The following CD86 variants were observed in gnomAD, a reference collection of about 807,000 sequenced individuals.
The protein encoded by CD86 is CD86 molecule, also known as T-lymphocyte activation antigen CD86.
CD86 carries 11 observed loss-of-function variants against 32.1 expected under a neutral mutation model. The observed-to-expected ratio is 0.34, with a 90% confidence interval of 0.22 to 0.57. The LOEUF is 0.57. CD86 is among the 20% of genes least tolerant of loss of function. The pLI is 0.86. For synonymous variants in CD86, 137 were observed against 135.3 expected, an observed-to-expected ratio of 1.01 and a Z score of -0.09; for missense variants, 359 against 398.4, an observed-to-expected ratio of 0.90 and a Z score of 0.84.
rs2073320721 is a variant in CD86, at chr3:122,120,139, C to G, written c.*605C>G. On this transcript the variant is annotated 3_prime_UTR_variant, in exon 7 of 7. Coordinates refer to ENST00000330540, the MANE Select transcript of CD86 (RefSeq NM_175862.5). Reference sequence around the variant, plus strand: ...TCAGGGTCAGTAAGGAAAACGGTGGCCTAGGGTACAGGCAACAATGAGCAG... The same window carrying G: ...TCAGGGTCAGTAAGGAAAACGGTGGGCTAGGGTACAGGCAACAATGAGCAG... 1 of 152,380 alleles carries G rather than the reference C, an allele frequency of 6.6e-6. No homozygotes were observed. Among genetic ancestry groups the G allele is most frequent in the East Asian group, 1.9e-4 (1 of 5,206 alleles). The allele number at this position is 152,380 out of a possible 1,614,324, so 9.4% of individuals were successfully genotyped here.
chr3:122,078,140 C>A, intron 1 of CD86: 2 of 736,008 alleles, frequency 2.7e-6, no homozygotes, highest in Non-Finnish European at 3.3e-6. Flanking sequence ...AATGGCCGGC[C>A]AGAGAATGAG....
At chr3:122,081,299 G>T (rs1347320976) in intron 1 of CD86, among the ~76,000 whole-genome samples, 1 of 152,128 alleles carries the variant, frequency 6.6e-6, no homozygotes, top group Non-Finnish European at 1.5e-5. Flanking sequence ...TTATTTGATT[G>T]TGTCTCAGAA....
intron 1 of CD86, among the ~76,000 whole-genome samples, chr3:122,055,896 A>C (rs2072226573): frequency 6.6e-6 from 1 of 152,154 alleles, no homozygotes; most frequent in East Asian, 1.9e-4. Flanking sequence ...GAGAAGGTAG[A>C]GGGAGAGAGA....
intron 2 of CD86, among the ~76,000 whole-genome samples, chr3:122,101,516 ATAT>A (rs2073008430): frequency 1.9e-4 from 5 of 26,762 alleles, no homozygotes; most frequent in African/African-American, 4.1e-4. Flanking sequence ...AAAAAAAAAT[ATAT>A]ATATATATAT....
At chr3:122,064,794 T>C (rs1239349108) in intron 1 of CD86, among the ~76,000 whole-genome samples, 1 of 152,150 alleles carries the variant, frequency 6.6e-6, no homozygotes, top group Non-Finnish European at 1.5e-5. Flanking sequence ...AAATTGTAAA[T>C]GGAATATTTT....
At chr3:122,059,413 G>A (rs1186162202) in intron 1 of CD86, among the ~76,000 whole-genome samples, 2 of 152,174 alleles carry the variant, frequency 1.3e-5, no homozygotes, top group South Asian at 2.1e-4. Context: ...AAGTGGGCCT[G>A]TAGTCCCAGC....
At chr3:122,073,981 A>G (rs1040439100) in intron 1 of CD86, among the ~76,000 whole-genome samples, 2 of 152,190 alleles carry the variant, frequency 1.3e-5, no homozygotes, top group Non-Finnish European at 2.9e-5. Flanking sequence ...CCCAGTCAGA[A>G]TTCAAGAAGT....
At chr3:122,091,781 C>CA in intron 2 of CD86, 131 bp downstream of exon 2, 2 of 710,218 alleles carry the variant, frequency 2.8e-6, no homozygotes, top group Middle Eastern at 2.5e-4. Flanking sequence ...AGACCACATG[C>CA]AAAAAAGACT....
intron 1 of CD86, among the ~76,000 whole-genome samples, chr3:122,081,331 A>T (rs1359689556): frequency 6.6e-6 from 1 of 152,262 alleles, no homozygotes; most frequent in Non-Finnish European, 1.5e-5. Flanking sequence ...AATATATACC[A>T]ATGAAAAGCA....
intron 4 of CD86, among the ~76,000 whole-genome samples, chr3:122,107,257 G>T (rs2073106693): frequency 6.6e-6 from 1 of 152,140 alleles, no homozygotes; most frequent in Admixed American, 6.5e-5. Context: ...CTGGATGACA[G>T]GTTCCCAAAA....
At chr3:122,078,990 A>G (rs560827767) in intron 1 of CD86, among the ~76,000 whole-genome samples, 1 of 152,234 alleles carries the variant, frequency 6.6e-6, no homozygotes, top group Non-Finnish European at 1.5e-5. Context: ...GGAAGCTTTT[A>G]TAAATCTCTA....
intron 2 of CD86, among the ~76,000 whole-genome samples, chr3:122,098,270 A>C (rs2072940415): frequency 1.3e-5 from 2 of 152,234 alleles, no homozygotes. Context: ...ATGGTTAGAG[A>C]AATCTCCCTG....
intron 2 of CD86, among the ~76,000 whole-genome samples, chr3:122,099,023 T>C (rs759756343): frequency 6.6e-6 from 1 of 152,176 alleles, no homozygotes; most frequent in Non-Finnish European, 1.5e-5. Flanking sequence ...AGTTATAGGC[T>C]GGCAATAAGC....
In CD86 at chr3:122,102,846, T is replaced by A. The variant is rs558844071; in HGVS notation, c.65-666T>A. On this transcript the variant is annotated intron_variant, in intron 2 of 6. Transcript: ENST00000330540. ...TAAAGGCCTTGGTTCACTATCGAAG[T>A]CATTTCTAAAGCATTTGACATCCTT... is the stretch of plus-strand genomic sequence containing the variant. Among the ~76,000 whole-genome samples the A allele has an allele frequency of 6.6e-5, 10 of 152,270 alleles. No homozygotes were observed. In the East Asian group the frequency reaches 1.5e-3, roughly 24 times the overall value.
intron 2 of CD86, among the ~76,000 whole-genome samples, chr3:122,096,200 G>A (rs1174179772): frequency 6.6e-6 from 1 of 152,126 alleles, no homozygotes; most frequent in Non-Finnish European, 1.5e-5. Flanking sequence ...TGAATAGCTG[G>A]CACTATAAGT....
In CD86 at chr3:122,118,088, G is replaced by A; in HGVS notation, c.888G>A (p.Lys296=). 1 of 1,607,460 alleles carries A rather than the reference G, an allele frequency of 6.2e-7. No individual in the cohort carries two copies. The highest frequency in any genetic ancestry group is 8.5e-7 in the Non-Finnish European group (1 of 1,177,928). The change falls in exon 6 of 7, where the codon AAG becomes AAA. Residue 296 remains lysine (K), a synonymous_variant. Coordinates refer to ENST00000330540, the MANE Select transcript of CD86 (RefSeq NM_175862.5). ...TMEREESEQT[K]KREKIHIPER... ...AGAGGGAAGAGAGTGAACAGACCAA[G>A]AAAAGGTAAATCCTGACCCTGAGAC...
chr3:122,101,120 G>A (rs1041395871), intron 2 of CD86, among the ~76,000 whole-genome samples: 1 of 152,128 alleles, frequency 6.6e-6, no homozygotes, highest in Non-Finnish European at 1.5e-5. Flanking sequence ...ACCCCATGGG[G>A]AGGAGAGGGA....
At chr3:122,113,063 T>C (rs2073199576) in intron 5 of CD86, among the ~76,000 whole-genome samples, 1 of 152,254 alleles carries the variant, frequency 6.6e-6, no homozygotes, top group Admixed American at 6.5e-5. Context: ...CTTTGCATCC[T>C]CATAGTTTAG....
intron 4 of CD86, among the ~76,000 whole-genome samples, chr3:122,108,240 C>T (rs750469962): frequency 7.9e-5 from 12 of 152,212 alleles, no homozygotes; most frequent in Non-Finnish European, 2.9e-5. Context: ...CTGGGTTTCC[C>T]ATTCTATCGC....
Sources: gnomAD v4.1 joint callset for allele counts (sites outside exome capture counted in the v4.1 genomes callset) on GRCh38, gnomAD v4.1.1 for gene constraint, MANE v1.5 for transcripts, NCBI Gene and HGNC (gene_info 2026-07-23, HGNC 2026-07-21) for gene names.